ACVRL1: variants seen among roughly 807,000 people sequenced by gnomAD.
ACVRL1 encodes activin A receptor like type 1, also known as activin receptor type-1-like.
A neutral mutation model predicts 51.9 loss-of-function variants in ACVRL1; 20 were observed. The ratio of observed to expected loss-of-function variants is 0.39; its 90% CI spans 0.27 to 0.56. The LOEUF (loss-of-function observed/expected upper bound fraction) is 0.56, where lower values mean the gene tolerates loss of function less well. ACVRL1 is among the 20% of genes least tolerant of loss of function. The probability of loss-of-function intolerance (pLI) is 0.67; values close to 1 mark genes in which losing one functional copy is unlikely to be tolerated. For synonymous variants in ACVRL1, 288 were observed against 280.9 expected (o/e 1.03, Z -0.25); for missense variants, 451 against 670.3 (o/e 0.67, Z 3.61).
At chr12:51,920,132 G>C (rs764827874) in intron 9 of ACVRL1, among the ~76,000 whole-genome samples, 2 of 148,140 alleles carry the variant, frequency 1.4e-5, no homozygotes, top group African/African-American at 5.3e-5. Context: ...CTCATTTCAG[G>C]CCCTGGGATG....
At position 51,917,283 on chromosome 12, in the gene ACVRL1, C is replaced by A. The variant is rs1173375164; in HGVS notation, c.1246+1050C>A. 6.6e-6 allele frequency among the ~76,000 whole-genome samples: 1 copy of A among 152,224 alleles called. No homozygotes were observed. Among genetic ancestry groups the A allele is most frequent in the Non-Finnish European group, 1.5e-5 (1 of 68,042 alleles). On this transcript the variant is annotated intron_variant, in intron 8 of 9. Transcript: ENST00000388922. The surrounding 1 kb of genome is among the most constrained non-coding windows in gnomAD (Gnocchi z 4.2). ...CCTTGATTTCCTCATGCACGCAATG[C>A]ATGTGAGTGCCTGCACTGCCTGCTT...
chr12:51,921,043 C>A lies in ACVRL1; in HGVS notation c.*150C>A. The stretch of plus-strand genomic sequence containing the variant: ...CCTGCTCGGCCCCCAGCCCACCCAG[C>A]CAAAAATACAGCTGGGCTGAAACCT... On this transcript the variant is annotated 3_prime_UTR_variant, in exon 10 of 10. Transcript: ENST00000388922. 1.0e-6 allele frequency: 1 copy of A among 952,656 alleles called. No individual in the cohort carries two copies. The highest frequency in any genetic ancestry group is 1.6e-6 in the Non-Finnish European group (1 of 627,368). 59.0% of individuals were successfully genotyped at this position (952,656 alleles called of 1,614,324 possible).
At position 51,917,891 on chromosome 12, in the gene ACVRL1, C is replaced by T. The variant is rs1940876734; in HGVS notation, c.1247-1094C>T. 6.6e-6 allele frequency among the ~76,000 whole-genome samples: 1 copy of T among 152,152 alleles called. No individual in the cohort carries two copies. Among genetic ancestry groups the T allele is most frequent in the Non-Finnish European group, 1.5e-5 (1 of 68,028 alleles). The stretch of plus-strand genomic sequence containing the variant: ...ATCAGCCCCACACGGACTCGCGGCG[C>T]ATTATAAACACTGTAATCTGGTGTC... On this transcript the variant is annotated intron_variant, in intron 8 of 9. Transcript: ENST00000388922. This position sits in a 1 kb window ranked among gnomAD's most constrained non-coding sequence, Gnocchi z 4.2.
In ACVRL1 at chr12:51,915,400, G is replaced by C. The variant is rs145300204; in HGVS notation, c.948G>C (p.Glu316Asp). Residue 316 changes from glutamate (E) to aspartate (D), a missense_variant, in exon 7 of 10, where the codon GAG (glutamate) becomes GAC (aspartate). Around this residue, in one of 2 missense-constraint regions of ACVRL1, gnomAD observed 259 missense variants for 453.4 expected, o/e 0.57. Transcript: ENST00000388922. ...AACGLAHLHV[E>D]IFGTQGKPAI... ...GCGGCCTGGCGCACCTGCACGTGGA[G>C]ATCTTCGGTACACAGGGCAAACCAG... 203 of 1,613,832 alleles carry C rather than the reference G, an allele frequency of 1.3e-4. No individual in the cohort carries two copies. Among genetic ancestry groups the C allele is most frequent in the Non-Finnish European group, 1.6e-4 (194 of 1,180,058 alleles).
At chr12:51,914,150 C>A in intron 5 of ACVRL1, 77 bp downstream of exon 5, 2 of 1,499,812 alleles carry the variant, frequency 1.3e-6, no homozygotes, top group Non-Finnish European at 1.8e-6. Context: ...TTTTTGGCTA[C>A]TGGAATCACA....
chr12:51,920,931 T>C lies in ACVRL1; in HGVS notation c.*38T>C. On this transcript the variant is annotated 3_prime_UTR_variant, in exon 10 of 10. Transcript: ENST00000388922. ...TGATTCCTTTCTGCCTGCAGGGGGC[T>C]GGGGGGGTGGGGGGCAGTGGATGGT... is the stretch of plus-strand genomic sequence containing the variant. 4.9e-6 allele frequency: 1 copy of C among 203,030 alleles called. No individual in the cohort carries two copies. Among genetic ancestry groups the C allele is most frequent in the Non-Finnish European group, 9.6e-6 (1 of 104,510 alleles). The allele number at this position is 203,030 out of a possible 1,614,324, so 12.6% of individuals were successfully genotyped here.
chr12:51,921,213 G>C lies in ACVRL1; in HGVS notation c.*320G>C. ...TCCAGAGTCAGAGTGCCAAGCCAGG[G>C]AATCCCAGTCCCAGACTCAGAGCCC... On this transcript the variant is annotated 3_prime_UTR_variant, in exon 10 of 10. Coordinates refer to ENST00000388922, the MANE Select transcript of ACVRL1 (RefSeq NM_000020.3). The C allele has an allele frequency of 2.6e-6, 1 of 390,136 alleles. No individual in the cohort carries two copies. Among genetic ancestry groups the C allele is most frequent in the South Asian group, 2.1e-5 (1 of 47,178 alleles). The allele number at this position is 390,136 out of a possible 1,614,324, so 24.2% of individuals were successfully genotyped here. A position where few individuals can be genotyped will look rare whatever the true frequency, so the allele number is the denominator to read the frequency against.
chr12:51,918,883 G>T (rs1940903564), intron 8 of ACVRL1, 102 bp from the exon 9 acceptor site: 1 of 1,560,508 alleles, frequency 6.4e-7, no homozygotes, highest in Non-Finnish European at 8.8e-7. Context: ...CCAGGCCACT[G>T]GTTTCTGGCC....
rs962457018 is a variant in ACVRL1 at position 51,919,081 on chromosome 12, C to A, written c.1343C>A (p.Thr448Asn). 6.2e-7 allele frequency: 1 copy of A among 1,613,914 alleles called. No homozygotes were observed. The highest frequency in any genetic ancestry group is 8.5e-7 in the Non-Finnish European group (1 of 1,179,948). ...AAGGTGGTGTGTGTGGATCAGCAGA[C>A]CCCCACCATCCCTAACCGGCTGGCT... ...MKKVVCVDQQ[T>N]PTIPNRLAAD... Residue 448 changes from threonine to asparagine, a missense_variant, in exon 9 of 10, where the codon ACC (threonine) becomes AAC (asparagine). This residue lies in a region of ACVRL1 where 259 missense variants were observed against 453.4 expected (regional missense o/e 0.57). Coordinates refer to ENST00000388922, the MANE Select transcript of ACVRL1 (RefSeq NM_000020.3).
At position 51,919,180 on chromosome 12, in the gene ACVRL1, A is replaced by G. The variant is rs706816; in HGVS notation, c.1377+65A>G. On this transcript the variant is annotated intron_variant, in intron 9 of 9. Transcript: ENST00000388922. ...GCTCATGGCTGGGATTTCTGGGCCC[A>G]GGAACTTGTGTCTGAGGCCTCTGCT... is the stretch of plus-strand genomic sequence containing the variant. 414,386 of 1,609,606 alleles carry G rather than the reference A, an allele frequency of 0.26. 56,656 individuals are homozygous for G. The highest frequency in any genetic ancestry group is 0.5 in the African/African-American group (37,028 of 74,696).
intron 2 of ACVRL1, 101 bp from the exon 3 acceptor site, chr12:51,912,998 C>T: frequency 6.7e-7 from 1 of 1,503,060 alleles, no homozygotes; most frequent in Non-Finnish European, 9.0e-7. Context: ...AGGTGTTTGT[C>T]TGAGGGGTCA....
At position 51,914,066 on chromosome 12, in the gene ACVRL1, G is replaced by C; in HGVS notation, c.618G>C (p.Glu206Asp). 1 of 1,613,550 alleles carries C rather than the reference G, an allele frequency of 6.2e-7. No individual in the cohort carries two copies. Among genetic ancestry groups the C allele is most frequent in the Non-Finnish European group, 8.5e-7 (1 of 1,179,768 alleles). ...RTVARQVALVECVGKGRYGEV... is the reference protein window; with the variant it reads ...RTVARQVALVDCVGKGRYGEV... ...TGGCACGGCAGGTTGCCTTGGTGGA[G>C]TGTGTGGGTGAGCAGTGGGTGAGCC... The change falls in exon 5 of 10, where the codon GAG (glutamate) becomes GAC (aspartate). Residue 206 changes from glutamate to aspartate, a missense_variant. Around this residue, in one of 2 missense-constraint regions of ACVRL1, gnomAD observed 259 missense variants for 453.4 expected, o/e 0.57. Coordinates refer to ENST00000388922, the MANE Select transcript of ACVRL1 (RefSeq NM_000020.3).
In ACVRL1 at chr12:51,913,621, G is replaced by GTGCTGGCCT; in HGVS notation, c.385_393dup (p.Leu130_Leu132dup). On this transcript the variant is annotated inframe_insertion, in exon 4 of 10. Coordinates refer to ENST00000388922, the MANE Select transcript of ACVRL1 (RefSeq NM_000020.3). ...CCAGCTGGCCCTGATCCTGGGCCCC[G>GTGCTGGCCT]TGCTGGCCTTGCTGGCCCTGGTGGC... 1 of 1,603,482 alleles carries GTGCTGGCCT rather than the reference G, an allele frequency of 6.2e-7. No homozygotes were observed. Among genetic ancestry groups the GTGCTGGCCT allele is most frequent in the Non-Finnish European group, 8.5e-7 (1 of 1,179,928 alleles).
intron 8 of ACVRL1, among the ~76,000 whole-genome samples, chr12:51,916,446 C>G (rs533635295): frequency 4.6e-5 from 7 of 152,176 alleles, no homozygotes; most frequent in Non-Finnish European, 1.5e-5. Context: ...GCTGTGAAAT[C>G]TTGGGTACAT....
intron 6 of ACVRL1, 123 bp from the exon 7 acceptor site, chr12:51,915,102 C>G: frequency 8.8e-7 from 1 of 1,136,608 alleles, no homozygotes; most frequent in Non-Finnish European, 1.3e-6. Flanking sequence ...ACCCCCACCC[C>G]CAGACCTAGC....
rs905843097 is a variant in ACVRL1 at position 51,923,214 on chromosome 12, G to C, written c.*2321G>C. 6.6e-6 allele frequency: 1 copy of C among 152,366 alleles called. No homozygotes were observed. Among genetic ancestry groups the C allele is most frequent in the African/African-American group, 2.4e-5 (1 of 41,438 alleles). 9.4% of individuals were successfully genotyped at this position (152,366 alleles called of 1,614,324 possible). ...GGAGTGAAGGAGGTGGCGTTGCTGA[G>C]AGCAGTCTGCACATGCTTCTGTCTG... On this transcript the variant is annotated 3_prime_UTR_variant, in exon 10 of 10. Transcript: ENST00000388922.
chr12:51,919,982 A>G (rs1245515304), intron 9 of ACVRL1, among the ~76,000 whole-genome samples: 1 of 152,228 alleles, frequency 6.6e-6, no homozygotes, highest in Non-Finnish European at 1.5e-5. Context: ...TTACTGAAAG[A>G]ATGAATATAT....
chr12:51,920,942 G>GGGGGGGGGGGGGGGC lies in ACVRL1; in HGVS notation c.*52_*53insGGGGGGGGGGGCGGG. 2 of 629,042 alleles carry GGGGGGGGGGGGGGGC rather than the reference G, an allele frequency of 3.2e-6. No homozygotes were observed. The highest frequency in any genetic ancestry group is 1.5e-5 in the South Asian group (1 of 66,304). The allele number at this position is 629,042 out of a possible 1,614,324, so 39.0% of individuals were successfully genotyped here. A position where few individuals can be genotyped will look rare whatever the true frequency, so the allele number is the denominator to read the frequency against. ...TGCCTGCAGGGGGCTGGGGGGGTGGGGGGCAGTGGATGGTGCCCTATCTGG... is the reference window on the plus strand; with the variant it reads ...TGCCTGCAGGGGGCTGGGGGGGTGGGGGGGGGGGGGGGGGCGGGCAGTGGATGGTGCCCTATCTGG... On this transcript the variant is annotated 3_prime_UTR_variant, in exon 10 of 10. Transcript: ENST00000388922.
At chr12:51,914,246 C>T (rs1188490796) in intron 5 of ACVRL1, among the ~76,000 whole-genome samples, 173 bp downstream of exon 5, 2 of 152,036 alleles carry the variant, frequency 1.3e-5, no homozygotes, top group Non-Finnish European at 2.9e-5. Flanking sequence ...CTTCTTTCTG[C>T]AGGACCGGGG....
Sources: allele counts gnomAD v4.1 joint callset (sites outside exome capture counted in the v4.1 genomes callset), GRCh38; gene constraint gnomAD v4.1.1; regional missense constraint gnomAD v4.1.1; non-coding constraint Gnocchi (gnomAD v3.1); transcripts MANE v1.5; gene names NCBI Gene and HGNC (gene_info 2026-07-23, HGNC 2026-07-21).